Variants in FSTL4 observed in about 807,000 individuals in gnomAD.
FSTL4 encodes follistatin-related protein 4.
Under a neutral mutation model 78.2 loss-of-function variants are expected in FSTL4, and 28 were observed. That is an observed-to-expected ratio of 0.36 (90% CI 0.27 to 0.49). The LOEUF (loss-of-function observed/expected upper bound fraction) is 0.49, where lower values mean the gene tolerates loss of function less well. FSTL4 is among the 20% of genes least tolerant of loss of function. FSTL4 has a pLI of 0.98. For synonymous variants in FSTL4, 422 were observed against 440.5 expected, an observed-to-expected ratio of 0.96 and a Z score of 0.53; for missense variants, 922 against 1,084.9, an observed-to-expected ratio of 0.85 and a Z score of 2.11.
intron 3 of FSTL4, among the ~76,000 whole-genome samples, chr5:133,411,264 G>C (rs1226650554): frequency 6.6e-6 from 1 of 152,170 alleles, no homozygotes; most frequent in African/African-American, 2.4e-5. Flanking sequence ...TACAGCTACT[G>C]CAGAGGAGGA....
the FSTL4 span, among the ~76,000 whole-genome samples, chr5:133,694,959 G>A: frequency 3.8e-4 from 58 of 152,250 alleles, no homozygotes; most frequent in African/African-American, 1.3e-3. Context: ...TTGGGGGTTA[G>A]GGCTTCAACA....
At chr5:133,581,339 C>T (rs1239538162) in intron 2 of FSTL4, among the ~76,000 whole-genome samples, 1 of 152,204 alleles carries the variant, frequency 6.6e-6, no homozygotes, top group African/African-American at 2.4e-5. Context: ...TCTTTCTGTT[C>T]CTCACGTAGG....
chr5:133,532,303 A>AT (rs1333351387), intron 3 of FSTL4, among the ~76,000 whole-genome samples: 1 of 152,244 alleles, frequency 6.6e-6, no homozygotes, highest in Non-Finnish European at 1.5e-5. Flanking sequence ...TAGGCCAACT[A>AT]TTATAAATAA....
At chr5:133,266,028 C>T (rs1752633040) in intron 6 of FSTL4, among the ~76,000 whole-genome samples, 1 of 152,212 alleles carries the variant, frequency 6.6e-6, no homozygotes, top group South Asian at 2.1e-4. Flanking sequence ...GCACCCAGGC[C>T]CACATAGAGT....
At position 133,230,591 on chromosome 5, in the gene FSTL4, G is replaced by A. The variant is rs374353151; in HGVS notation, c.1015+2826C>T. Among the ~76,000 whole-genome samples the A allele has an allele frequency of 6.6e-5, 10 of 152,156 alleles. No homozygotes were observed. In the South Asian group the frequency reaches 1.0e-3, roughly 16 times the overall value. ...TCTTGAGGTTTTTTTGAGCCAAAGCGGGTAAGATGACTCCTCACTGGCCTC... is the reference window on the plus strand; with the variant it reads ...TCTTGAGGTTTTTTTGAGCCAAAGCAGGTAAGATGACTCCTCACTGGCCTC... On this transcript the variant is annotated intron_variant, in intron 8 of 15. Transcript: ENST00000265342.
At chr5:133,283,315 G>A (rs555547941) in intron 6 of FSTL4, among the ~76,000 whole-genome samples, 10 of 152,176 alleles carry the variant, frequency 6.6e-5, no homozygotes, top group South Asian at 2.1e-4. Flanking sequence ...GGGCCATGCC[G>A]TGCCTTGAGA....
At chr5:133,756,568 G>A in the FSTL4 span, among the ~76,000 whole-genome samples, 3 of 152,076 alleles carry the variant, frequency 2.0e-5, no homozygotes, top group Admixed American at 2.0e-4. Context: ...AGCCCACCAC[G>A]GGAAGAGGGG....
At chr5:133,503,766 T>C (rs991762344) in intron 3 of FSTL4, among the ~76,000 whole-genome samples, 2 of 152,210 alleles carry the variant, frequency 1.3e-5, no homozygotes, top group Admixed American at 6.5e-5. Context: ...TCCTCTCCCA[T>C]TGGCACATCT....
At chr5:133,559,816 G>T (rs186040242) in intron 3 of FSTL4, among the ~76,000 whole-genome samples, 1 of 152,304 alleles carries the variant, frequency 6.6e-6, no homozygotes, top group Non-Finnish European at 1.5e-5. Context: ...AAGGGCAGAG[G>T]AGCTCTCTGA....
Position 133,432,317 on chromosome 5 carries a change from A to T in FSTL4, c.161-31331T>A, listed in dbSNP as rs190641448. Among the ~76,000 whole-genome samples, 494 of 152,348 alleles carry T rather than the reference A, an allele frequency of 3.2e-3. 2 individuals are homozygous for T. Among genetic ancestry groups the T allele is most frequent in the African/African-American group, 0.011 (462 of 41,582 alleles). ...TGCCTCTCTAAACATTAGCTAATGG[A>T]GAGAAATTCTCTTCATAATGACATT... On this transcript the variant is annotated intron_variant, in intron 3 of 15. Coordinates refer to ENST00000265342, the MANE Select transcript of FSTL4 (RefSeq NM_015082.2).
chr5:133,814,569 G>A, the FSTL4 span, among the ~76,000 whole-genome samples: 2 of 152,188 alleles, frequency 1.3e-5, no homozygotes, highest in African/African-American at 2.4e-5. Flanking sequence ...GTGTTCTGGA[G>A]AGAAAAGGTT....
chr5:133,343,643 G>A (rs1754636369), intron 4 of FSTL4, among the ~76,000 whole-genome samples: 1 of 152,200 alleles, frequency 6.6e-6, no homozygotes, highest in Non-Finnish European at 1.5e-5. Flanking sequence ...GCTGTGGTTT[G>A]GTGATGTTTG....
At chr5:133,637,244 T>C in the FSTL4 span, among the ~76,000 whole-genome samples, 1 of 151,878 alleles carries the variant, frequency 6.6e-6, no homozygotes, top group African/African-American at 2.4e-5. Flanking sequence ...CCCTTTCTTC[T>C]CCCTGAAACC....
At chr5:133,579,451 C>T (rs983903290) in intron 2 of FSTL4, among the ~76,000 whole-genome samples, 2 of 152,214 alleles carry the variant, frequency 1.3e-5, no homozygotes, top group Non-Finnish European at 2.9e-5. Context: ...TGTCTACCAG[C>T]TGTCGATCGA....
At chr5:133,801,700 C>T in the FSTL4 span, among the ~76,000 whole-genome samples, 41 of 152,234 alleles carry the variant, frequency 2.7e-4, no homozygotes, top group Non-Finnish European at 1.3e-4. Context: ...GGAACCCCTT[C>T]CTCCCCTCCA....
At chr5:133,622,160 T>C in the FSTL4 span, among the ~76,000 whole-genome samples, 3 of 152,188 alleles carry the variant, frequency 2.0e-5, no homozygotes, top group African/African-American at 7.2e-5. Context: ...CATGTAACCT[T>C]TGGTAGATTG....
the FSTL4 span, among the ~76,000 whole-genome samples, chr5:133,651,764 T>C: frequency 6.6e-6 from 1 of 152,174 alleles, no homozygotes; most frequent in Non-Finnish European, 1.5e-5. Context: ...AATGTCTTTC[T>C]TTGGCTTTGG....
At position 133,201,971 on chromosome 5, in the gene FSTL4, G is replaced by T. The variant is rs771715013; in HGVS notation, c.1788C>A (p.Phe596Leu). ...IRTPFAGVDD[F>L]FIPPTNLIIN... ...TGATGAGGTTTGTTGGGGGAATGAA[G>T]AAATCATCCACTCCTGCAAAGGGTG... Residue 596 changes from phenylalanine (F) to leucine (L), a missense_variant, in exon 15 of 16, where the codon TTC becomes TTA. By Grantham distance (22) the Phe-to-Leu change is conservative. Transcript: ENST00000265342. 6.2e-7 allele frequency: 1 copy of T among 1,611,540 alleles called. No individual in the cohort carries two copies. The highest frequency in any genetic ancestry group is 1.1e-5 in the South Asian group (1 of 90,646).
Position 133,513,359 on chromosome 5 carries a change from C to T in FSTL4, c.160+53827G>A, listed in dbSNP as rs146784357. 3.7e-3 allele frequency among the ~76,000 whole-genome samples: 557 copies of T among 152,274 alleles called. 3 individuals are homozygous for T. The highest frequency in any genetic ancestry group is 0.013 in the African/African-American group (541 of 41,548). On this transcript the variant is annotated intron_variant, in intron 3 of 15. Coordinates refer to ENST00000265342, the MANE Select transcript of FSTL4 (RefSeq NM_015082.2). Reference sequence around the variant, plus strand: ...GAAACGTTGAATTGTATTCTTTGGTCACAGAGAAGAATGGTTACCACTAGG... The same window carrying T: ...GAAACGTTGAATTGTATTCTTTGGTTACAGAGAAGAATGGTTACCACTAGG...
Sources: allele counts gnomAD v4.1 joint callset (sites outside exome capture counted in the v4.1 genomes callset), GRCh38; gene constraint gnomAD v4.1.1; transcripts MANE v1.5; gene names NCBI Gene and HGNC (gene_info 2026-07-23, HGNC 2026-07-21).